PDE1C: variants seen among roughly 807,000 people sequenced by gnomAD.
PDE1C encodes phosphodiesterase 1C.
PDE1C carries 62 observed loss-of-function variants against 93.1 expected under a neutral mutation model. The observed-to-expected ratio is 0.67, with a 90% CI of 0.54 to 0.82. The LOEUF (loss-of-function observed/expected upper bound fraction) is 0.82, where lower values mean the gene tolerates loss of function less well. PDE1C is among the 40% of genes least tolerant of loss of function. The pLI is 0.00. For synonymous variants in PDE1C, 325 were observed against 310.1 expected (o/e 1.05, Z -0.50); for missense variants, 742 against 884.6 (o/e 0.84, Z 2.04).
At chr7:32,073,440 C>T (rs902448242), upstream of PDE1C, among the ~76,000 whole-genome samples, 10 of 152,088 alleles carry the variant, frequency 6.6e-5, no homozygotes, top group Non-Finnish European at 1.3e-4. Flanking sequence ...ATATAAGGAA[C>T]TCAAATGCAT....
chr7:31,860,237 A>T (rs947140225), intron 7 of PDE1C, among the ~76,000 whole-genome samples: 1 of 152,158 alleles, frequency 6.6e-6, no homozygotes, highest in Non-Finnish European at 1.5e-5. Context: ...AGGTCTGGAG[A>T]CATTATTGGT....
chr7:32,393,462 C>T (rs1236422956), intron 1 of PDE1C, among the ~76,000 whole-genome samples: 3 of 152,160 alleles, frequency 2.0e-5, no homozygotes, highest in Non-Finnish European at 4.4e-5. Context: ...CAGAGACCTA[C>T]AGAAAAGCCT....
intron 1 of PDE1C, among the ~76,000 whole-genome samples, chr7:32,391,274 T>A (rs2128093068): frequency 6.6e-6 from 1 of 152,176 alleles, no homozygotes; most frequent in Non-Finnish European, 1.5e-5. Flanking sequence ...AAAAAAAGCA[T>A]TATATGAAAA....
At chr7:31,910,570 G>T (rs1420714423) in intron 2 of PDE1C, among the ~76,000 whole-genome samples, 1 of 152,176 alleles carries the variant, frequency 6.6e-6, no homozygotes, top group African/African-American at 2.4e-5. Context: ...GGAAACTAAT[G>T]AACATGATTT....
At chr7:31,862,853 T>C (rs1363630273) in intron 7 of PDE1C, among the ~76,000 whole-genome samples, 1 of 152,212 alleles carries the variant, frequency 6.6e-6, no homozygotes, top group East Asian at 1.9e-4. Flanking sequence ...TATTTGCCTA[T>C]TTTTTCACAA....
At chr7:32,054,921 T>TC (rs1336788272) in intron 1 of PDE1C, among the ~76,000 whole-genome samples, 1 of 152,148 alleles carries the variant, frequency 6.6e-6, no homozygotes, top group Admixed American at 6.5e-5. Flanking sequence ...GCCCTACTCA[T>TC]CCTTCAGTTC....
chr7:32,423,625 A>C (rs569061118), intron 1 of PDE1C, among the ~76,000 whole-genome samples: 1 of 152,208 alleles, frequency 6.6e-6, no homozygotes, highest in Non-Finnish European at 1.5e-5. Flanking sequence ...ATAAACACCA[A>C]TGTTTGAAAT....
intron 1 of PDE1C, among the ~76,000 whole-genome samples, chr7:32,219,757 G>T (rs1036953929): frequency 6.6e-6 from 1 of 152,204 alleles, no homozygotes; most frequent in Non-Finnish European, 1.5e-5. Context: ...ACCAGGCAAA[G>T]CCAATCACTA....
chr7:31,923,752 T>C (rs1802960991), intron 2 of PDE1C, among the ~76,000 whole-genome samples: 2 of 152,082 alleles, frequency 1.3e-5, no homozygotes, highest in Non-Finnish European at 1.5e-5. Context: ...CATGGGAGGA[T>C]TGCCTGAGCC....
chr7:31,949,535 TA>T (rs1226443520), intron 2 of PDE1C, among the ~76,000 whole-genome samples: 1 of 152,216 alleles, frequency 6.6e-6, no homozygotes, highest in African/African-American at 2.4e-5. Context: ...TTTCACTTTT[TA>T]TTTCTAAAAT....
the PDE1C span, among the ~76,000 whole-genome samples, chr7:31,741,995 C>T: frequency 8.5e-5 from 13 of 152,296 alleles, 1 homozygote; most frequent in South Asian, 8.3e-4. Flanking sequence ...ATGAGAGCTC[C>T]GGAGACCTAA....
At chr7:31,631,056 G>T in the PDE1C span, among the ~76,000 whole-genome samples, 1 of 152,226 alleles carries the variant, frequency 6.6e-6, no homozygotes, top group Non-Finnish European at 1.5e-5. Context: ...AATAACTATT[G>T]AAGAAATTAA....
At chr7:32,138,375 T>C (rs932884436) in intron 3 of PDE1C, among the ~76,000 whole-genome samples, 8 of 152,348 alleles carry the variant, frequency 5.3e-5, no homozygotes, top group African/African-American at 1.9e-4. Context: ...TGAGATCCTA[T>C]TATTAATAAT....
intron 7 of PDE1C, among the ~76,000 whole-genome samples, chr7:31,859,436 T>G (rs1246667388): frequency 7.2e-6 from 1 of 138,176 alleles, no homozygotes; most frequent in Non-Finnish European, 1.6e-5. Context: ...ATATTATATA[T>G]CCTATAACTT....
intron 5 of PDE1C, among the ~76,000 whole-genome samples, chr7:31,877,003 C>T (rs1359903421): frequency 6.6e-6 from 1 of 152,138 alleles, no homozygotes; most frequent in Non-Finnish European, 1.5e-5. Context: ...AAGCACTCCC[C>T]ACCCCCTAAC....
chr7:32,383,216 T>C (rs1254590865), intron 1 of PDE1C, among the ~76,000 whole-genome samples: 2 of 152,212 alleles, frequency 1.3e-5, no homozygotes, highest in African/African-American at 2.4e-5. Flanking sequence ...GTCTGAGTCA[T>C]TACATGCACT....
the PDE1C span, among the ~76,000 whole-genome samples, chr7:31,636,990 G>T: frequency 6.7e-6 from 1 of 149,692 alleles, no homozygotes; most frequent in Non-Finnish European, 1.5e-5. Context: ...GCGGTGTTTG[G>T]TTTTTCATCC....
At chr7:31,756,970 G>A (rs1021972514) in intron 17 of PDE1C, among the ~76,000 whole-genome samples, 2 of 152,218 alleles carry the variant, frequency 1.3e-5, no homozygotes, top group African/African-American at 4.8e-5. Context: ...CAATGCCTGA[G>A]GCTTCCTTGT....
chr7:32,379,482 G>C (rs1415895783), intron 1 of PDE1C, among the ~76,000 whole-genome samples: 2 of 152,174 alleles, frequency 1.3e-5, no homozygotes, highest in African/African-American at 4.8e-5. Context: ...CATGCTTTCT[G>C]ATTGTCAGTT....
Sources: gnomAD v4.1 joint callset for allele counts (sites outside exome capture counted in the v4.1 genomes callset) on GRCh38, gnomAD v4.1.1 for gene constraint, MANE v1.5 for transcripts, NCBI Gene and HGNC (gene_info 2026-07-23, HGNC 2026-07-21) for gene names.